Variants in NOL4L observed in about 807,000 individuals in gnomAD.
NOL4L encodes nucleolar protein 4 like, also known as nucleolar protein 4-like.
Under a neutral mutation model 64.5 loss-of-function variants are expected in NOL4L, and 7 were observed. The observed-to-expected ratio is 0.11, with a 90% CI of 0.06 to 0.20. The LOEUF is 0.20. Ranked by LOEUF, NOL4L falls within the 10% of genes least tolerant of loss-of-function variation. The pLI is 1.00. For missense variants in NOL4L, 680 were observed against 967.1 expected (o/e 0.70, Z 3.94); for synonymous variants, 413 against 401.0 (o/e 1.03, Z -0.36).
intron 4 of NOL4L, among the ~76,000 whole-genome samples, chr20:32,502,049 A>C (rs1394323001): frequency 6.6e-6 from 1 of 152,246 alleles, no homozygotes; most frequent in Non-Finnish European, 1.5e-5. Flanking sequence ...GGAAGGAGAA[A>C]TAATAAGTGT....
chr20:32,574,764 C>G (rs1979983152), intron 1 of NOL4L, among the ~76,000 whole-genome samples: 1 of 150,204 alleles, frequency 6.7e-6, no homozygotes, highest in South Asian at 2.2e-4. Context: ...ACGATGACTC[C>G]CGCGCTGGCC....
In NOL4L at chr20:32,456,054, T is replaced by G. The variant is rs1381787891; in HGVS notation, c.1119+64A>C. ...CAGCTAAGCTCTGGGCGTATACAAT[T>G]TCATTCTCGCCTCGCGACAGCCCTT... is the stretch of plus-strand genomic sequence containing the variant. On this transcript the variant is annotated intron_variant, in intron 6 of 10. Transcript: ENST00000621426. 2.8e-6 allele frequency: 4 copies of G among 1,436,484 alleles called. No individual in the cohort carries two copies. The East Asian group carries it at 7.9e-5, about 28-fold the overall frequency. The allele number at this position is 1,436,484 out of a possible 1,614,324, so 89.0% of individuals were successfully genotyped here.
intron 4 of NOL4L, among the ~76,000 whole-genome samples, chr20:32,508,354 C>T (rs2017221745): frequency 6.6e-6 from 1 of 152,188 alleles, no homozygotes; most frequent in South Asian, 2.1e-4. Context: ...ACTGCTGGGT[C>T]CTTGGCCCTT....
intron 5 of NOL4L, chr20:32,465,025 C>T: frequency 1.6e-6 from 1 of 633,068 alleles, no homozygotes; most frequent in South Asian, 1.8e-5. Flanking sequence ...TCATTTCTCT[C>T]TGCAGAGACC....
intron 4 of NOL4L, chr20:32,475,430 G>C: frequency 2.8e-6 from 2 of 710,264 alleles, no homozygotes; most frequent in Non-Finnish European, 3.5e-6. Flanking sequence ...GGCCTGGGGG[G>C]CCGCCAGGGC....
chr20:32,449,216 CTG>C (rs557704284), intron 10 of NOL4L, among the ~76,000 whole-genome samples: 106 of 152,370 alleles, frequency 7.0e-4, no homozygotes, highest in Middle Eastern at 3.4e-3. Flanking sequence ...GTCAGCTTCT[CTG>C]TTGTCTGCCC....
intron 10 of NOL4L, among the ~76,000 whole-genome samples, chr20:32,449,408 C>T (rs894793156): frequency 6.6e-6 from 1 of 152,244 alleles, no homozygotes; most frequent in African/African-American, 2.4e-5. Context: ...CTGGAAGTAA[C>T]ATCTTGGGAT....
chr20:32,447,880 C>T (rs1036437754), intron 10 of NOL4L, 64 bp from the exon 11 acceptor site: 26 of 1,510,664 alleles, frequency 1.7e-5, no homozygotes, highest in Non-Finnish European at 2.1e-5. Context: ...GGAGGTGTAC[C>T]TTCCTTGGCA....
chr20:32,460,688 G>A lies in NOL4L; in HGVS notation c.842-4293C>T, dbSNP rs1467735742. On this transcript the variant is annotated intron_variant, in intron 5 of 10. Coordinates refer to ENST00000621426, the MANE Select transcript of NOL4L (RefSeq NM_001256798.2). This position sits in a 1 kb window ranked among gnomAD's most constrained non-coding sequence, Gnocchi z 5.7. ...CATAACTCACCCACTGCCGACGCACGAGGCTCCCAGACTGCAACGGGGGCT... is the reference window on the plus strand; with the variant it reads ...CATAACTCACCCACTGCCGACGCACAAGGCTCCCAGACTGCAACGGGGGCT... 3.9e-5 allele frequency among the ~76,000 whole-genome samples: 6 copies of A among 152,156 alleles called. No homozygotes were observed. Among genetic ancestry groups the A allele is most frequent in the Non-Finnish European group, 8.8e-5 (6 of 68,022 alleles).
At chr20:32,577,816 C>T (rs1211183665) in intron 1 of NOL4L, among the ~76,000 whole-genome samples, 1 of 152,252 alleles carries the variant, frequency 6.6e-6, no homozygotes. Context: ...TACTCTATGC[C>T]GGGGACTTGG....
chr20:32,452,912 A>T lies in NOL4L; in HGVS notation c.1592T>A (p.Met531Lys), dbSNP rs1391588588. ...TGAGGACTGGTAGATCTCTAGACGC[A>T]TCCGCTTGGCTGCCTTTCTTGTCTC... ...ESETRKAAKR[M>K]RLEIYQSSQD... The change falls in exon 9 of 11, where the codon ATG (methionine) becomes AAG (lysine). Residue 531 changes from methionine (M) to lysine (K), a missense_variant. Met to Lys is a moderately conservative substitution (Grantham distance 95, BLOSUM62 -1). Coordinates refer to ENST00000621426, the MANE Select transcript of NOL4L (RefSeq NM_001256798.2). The T allele has an allele frequency of 6.2e-7, 1 of 1,614,046 alleles. No homozygotes were observed. The highest frequency in any genetic ancestry group is 8.5e-7 in the Non-Finnish European group (1 of 1,180,014).
At chr20:32,516,330 G>A (rs1011870137) in intron 3 of NOL4L, among the ~76,000 whole-genome samples, 1 of 152,134 alleles carries the variant, frequency 6.6e-6, no homozygotes, top group Non-Finnish European at 1.5e-5. Context: ...CATTGAATTG[G>A]CAAGTCTTCG....
chr20:32,530,865 G>A (rs539133216), intron 1 of NOL4L, among the ~76,000 whole-genome samples: 9 of 151,832 alleles, frequency 5.9e-5, no homozygotes, highest in Non-Finnish European at 1.3e-4. Context: ...AGGTTGCAGT[G>A]AGCTGAGATC....
At chr20:32,479,628 G>A (rs905069218) in intron 4 of NOL4L, among the ~76,000 whole-genome samples, 2 of 152,156 alleles carry the variant, frequency 1.3e-5, no homozygotes, top group Non-Finnish European at 2.9e-5. Context: ...CAGTCCCCAT[G>A]TGACTGGCCA....
chr20:32,462,903 T>TAAAAA (rs564168973), intron 5 of NOL4L, among the ~76,000 whole-genome samples: 6,030 of 76,390 alleles, frequency 0.079, 551 homozygotes, highest in African/African-American at 0.2. Flanking sequence ...GACTCTGTCT[T>TAAAAA]AAAAAAAAAA....
chr20:32,491,330 A>G (rs1462359703), intron 4 of NOL4L, among the ~76,000 whole-genome samples: 1 of 152,212 alleles, frequency 6.6e-6, no homozygotes, highest in East Asian at 1.9e-4. Flanking sequence ...TAAGTTGGGC[A>G]CTGAAGGATG....
At chr20:32,556,272 TG>T (rs1294749522) in intron 1 of NOL4L, among the ~76,000 whole-genome samples, 3 of 94,214 alleles carry the variant, frequency 3.2e-5, no homozygotes, top group Admixed American at 1.2e-4. Flanking sequence ...ATATTTCCTT[TG>T]TGGGGGGGGG....
chr20:32,482,866 G>A (rs2015822570), intron 4 of NOL4L, among the ~76,000 whole-genome samples: 1 of 147,852 alleles, frequency 6.8e-6, no homozygotes, highest in South Asian at 2.1e-4. Context: ...GGCGGCCGCG[G>A]CAACCCGAGC....
At chr20:32,505,687 G>A (rs1406521633) in intron 4 of NOL4L, among the ~76,000 whole-genome samples, 2 of 152,232 alleles carry the variant, frequency 1.3e-5, no homozygotes, top group East Asian at 3.8e-4. Flanking sequence ...CTGCACTCCA[G>A]CCTGGGTGAC....
Sources: allele counts gnomAD v4.1 joint callset (sites outside exome capture counted in the v4.1 genomes callset), GRCh38; gene constraint gnomAD v4.1.1; non-coding constraint Gnocchi (gnomAD v3.1); transcripts MANE v1.5; gene names NCBI Gene and HGNC (gene_info 2026-07-23, HGNC 2026-07-21).